MIR2052HG: variants seen among roughly 807,000 people sequenced by gnomAD.
MIR2052HG encodes the protein MIR2052 host gene.
intron 2 of MIR2052HG, among the ~76,000 whole-genome samples, chr8:74,648,196 A>G (rs1432221261): frequency 1.3e-5 from 2 of 152,152 alleles, no homozygotes; most frequent in African/African-American, 4.8e-5. Flanking sequence ...AATATTAATA[A>G]TTGATACCCT....
intron 2 of MIR2052HG, among the ~76,000 whole-genome samples, chr8:74,627,669 C>T (rs961638291): frequency 1.3e-5 from 2 of 151,970 alleles, no homozygotes; most frequent in African/African-American, 4.8e-5. Context: ...CTATATGACC[C>T]GAATAATTGT....
chr8:74,614,774 T>A (rs1023972339), intron 2 of MIR2052HG, among the ~76,000 whole-genome samples: 5 of 152,132 alleles, frequency 3.3e-5, no homozygotes, highest in African/African-American at 1.2e-4. Flanking sequence ...TCAGACCAAC[T>A]TTTTGCTCTG....
At chr8:74,696,255 A>T (rs1206564784) in intron 2 of MIR2052HG, among the ~76,000 whole-genome samples, 2 of 152,126 alleles carry the variant, frequency 1.3e-5, no homozygotes, top group Admixed American at 1.3e-4. Flanking sequence ...GATCAAAATT[A>T]AAAAATTATT....
intron 5 of MIR2052HG, among the ~76,000 whole-genome samples, chr8:74,755,087 C>T (rs1026656280): frequency 6.6e-6 from 1 of 152,142 alleles, no homozygotes; most frequent in African/African-American, 2.4e-5. Context: ...TTCCTAACTC[C>T]CACCCGAAAC....
intron 1 of MIR2052HG, among the ~76,000 whole-genome samples, chr8:74,601,816 T>A (rs1387563437): frequency 6.6e-6 from 1 of 152,218 alleles, no homozygotes; most frequent in Non-Finnish European, 1.5e-5. Flanking sequence ...TCTGACTGGC[T>A]TGTCTTACAT....
intron 2 of MIR2052HG, among the ~76,000 whole-genome samples, chr8:74,672,223 C>T (rs887589231): frequency 6.6e-6 from 1 of 152,056 alleles, no homozygotes; most frequent in Admixed American, 6.6e-5. Flanking sequence ...CAGCTGTTAC[C>T]TAACTTGAGA....
At chr8:74,644,028 T>C (rs981288795) in intron 2 of MIR2052HG, among the ~76,000 whole-genome samples, 1 of 152,230 alleles carries the variant, frequency 6.6e-6, no homozygotes, top group African/African-American at 2.4e-5. Flanking sequence ...TTCTCCTTTG[T>C]TGTTTTCCTG....
At chr8:74,711,325 G>A (rs1046345509) in intron 4 of MIR2052HG, among the ~76,000 whole-genome samples, 4 of 152,120 alleles carry the variant, frequency 2.6e-5, no homozygotes, top group Non-Finnish European at 4.4e-5. Context: ...AGAATGAAGG[G>A]ACACTATATT....
intron 5 of MIR2052HG, chr8:74,757,479 A>G (rs1810016288): frequency 1.3e-5 from 2 of 152,206 alleles, no homozygotes; most frequent in African/African-American, 2.4e-5. Context: ...AATGATGGTA[A>G]TAATGATAAT....
intron 2 of MIR2052HG, among the ~76,000 whole-genome samples, chr8:74,663,555 T>C (rs1333276052): frequency 6.6e-6 from 1 of 152,238 alleles, no homozygotes; most frequent in Non-Finnish European, 1.5e-5. Flanking sequence ...CAGTCTGTTT[T>C]CCCTGTCTTT....
chr8:74,713,395 T>C (rs1173418590), intron 4 of MIR2052HG, among the ~76,000 whole-genome samples: 1 of 152,222 alleles, frequency 6.6e-6, no homozygotes, highest in Non-Finnish European at 1.5e-5. Context: ...GTAACTCTCC[T>C]ACTTGAAGCC....
intron 2 of MIR2052HG, among the ~76,000 whole-genome samples, chr8:74,626,394 A>G (rs1808436864): frequency 6.6e-6 from 1 of 152,198 alleles, no homozygotes; most frequent in Non-Finnish European, 1.5e-5. Flanking sequence ...TTAGTGTGCT[A>G]AAGTACAGGG....
chr8:74,660,552 G>C (rs1265014689), intron 2 of MIR2052HG, among the ~76,000 whole-genome samples: 1 of 152,126 alleles, frequency 6.6e-6, no homozygotes, highest in Non-Finnish European at 1.5e-5. Flanking sequence ...TTTTTGCCAG[G>C]ATATTCCTTG....
intron 2 of MIR2052HG, among the ~76,000 whole-genome samples, chr8:74,629,348 C>A (rs566181718): frequency 6.6e-6 from 1 of 152,042 alleles, no homozygotes; most frequent in East Asian, 1.9e-4. Flanking sequence ...GACATTAGAA[C>A]TTTCAAAGTG....
intron 4 of MIR2052HG, among the ~76,000 whole-genome samples, chr8:74,730,485 A>G (rs1809680345): frequency 6.6e-6 from 1 of 152,214 alleles, no homozygotes; most frequent in Admixed American, 6.5e-5. Context: ...ATGAAGCAAT[A>G]TGAATTTCGA....
At chr8:74,689,556 C>T (rs1028590726) in intron 2 of MIR2052HG, among the ~76,000 whole-genome samples, 31 of 152,108 alleles carry the variant, frequency 2.0e-4, no homozygotes. Context: ...GAGTTTAATT[C>T]TTTCTGTTGA....
At chr8:74,714,162 T>C (rs911815670) in intron 4 of MIR2052HG, among the ~76,000 whole-genome samples, 2 of 152,184 alleles carry the variant, frequency 1.3e-5, no homozygotes, top group Non-Finnish European at 2.9e-5. Context: ...TCTACTAGGA[T>C]GAGTCTTTGA....
chr8:74,705,207 C>A (rs183232804), intron 4 of MIR2052HG, among the ~76,000 whole-genome samples: 10 of 152,060 alleles, frequency 6.6e-5, no homozygotes, highest in African/African-American at 2.4e-4. Flanking sequence ...TAGGGACATG[C>A]CAAAAGTTTC....
rs144497143 is a variant in MIR2052HG, at chr8:74,655,044, C to T, written n.216+42104C>T. ...CAAAGAGACTGGTGGCATTTTGCCC[C>T]CACCCTAGAGATTTGTGGAACTTTG... On this transcript the variant is annotated intron_variant and non_coding_transcript_variant, in intron 2 of 6. Coordinates refer to ENST00000523442, the Ensembl canonical transcript of MIR2052HG. Among the ~76,000 whole-genome samples the T allele has an allele frequency of 4.6e-3, 702 of 152,138 alleles. 4 individuals are homozygous for T. The highest frequency in any genetic ancestry group is 7.8e-3 in the Non-Finnish European group (531 of 68,006).
Sources: gnomAD v4.1 joint callset for allele counts (sites outside exome capture counted in the v4.1 genomes callset) on GRCh38, gnomAD v4.1.1 for gene constraint, MANE v1.5 for transcripts, NCBI Gene and HGNC (gene_info 2026-07-23, HGNC 2026-07-21) for gene names.